NRXN1: variants seen among roughly 807,000 people sequenced by gnomAD.
NRXN1 encodes the protein neurexin-1.
In NRXN1, 39 loss-of-function variants were observed where a neutral mutation model predicts 150.9. The ratio of observed to expected loss-of-function variants is 0.26; its 90% CI spans 0.20 to 0.34. The LOEUF is 0.34. NRXN1 is among the 10% of genes least tolerant of loss of function. The pLI, the probability that NRXN1 is intolerant of heterozygous loss-of-function variation, is 1.00. For synonymous variants in NRXN1, 924 were observed against 757.0 expected, an observed-to-expected ratio of 1.22 and a Z score of -3.62; for missense variants, 1,815 against 1,949.9, an observed-to-expected ratio of 0.93 and a Z score of 1.30.
chr2:50,717,443 A>G (rs1696012033), intron 5 of NRXN1, among the ~76,000 whole-genome samples: 1 of 152,158 alleles, frequency 6.6e-6, no homozygotes, highest in Non-Finnish European at 1.5e-5. Context: ...TGTAATGGCC[A>G]TAATGTAGCT....
chr2:50,974,679 GT>G (rs973960504), intron 2 of NRXN1, among the ~76,000 whole-genome samples: 3 of 151,422 alleles, frequency 2.0e-5, no homozygotes, highest in Non-Finnish European at 2.9e-5. Context: ...ATCCCTATCT[GT>G]TTTTTTTCCC....
chr2:49,919,765 TAAA>T lies in NRXN1; in HGVS notation c.*2176_*2178del, dbSNP rs1667885908. 1 of 152,214 alleles carries T rather than the reference TAAA, an allele frequency of 6.6e-6. No individual in the cohort carries two copies. The highest frequency in any genetic ancestry group is 1.5e-5 in the Non-Finnish European group (1 of 67,956). The allele number at this position is 152,214 out of a possible 1,614,324, so 9.4% of individuals were successfully genotyped here. A position where few individuals can be genotyped will look rare whatever the true frequency, so the allele number is the denominator to read the frequency against. ...TTTATACCTTCTACTTTCTGGGTCA[TAAA>T]AAGCCACTAAATTTCTTTGTACACA... is the stretch of plus-strand genomic sequence containing the variant. On this transcript the variant is annotated 3_prime_UTR_variant, in exon 23 of 23. Transcript: ENST00000401669.
intron 5 of NRXN1, among the ~76,000 whole-genome samples, chr2:50,768,116 C>A (rs553712435): frequency 2.0e-5 from 3 of 152,176 alleles, no homozygotes; most frequent in African/African-American, 7.2e-5. Flanking sequence ...AATGTGCAAC[C>A]AACCCCTTTT....
chr2:50,944,481 G>A (rs1347439930), intron 2 of NRXN1, among the ~76,000 whole-genome samples: 1 of 152,100 alleles, frequency 6.6e-6, no homozygotes, highest in African/African-American at 2.4e-5. Context: ...GTAACACATA[G>A]CTAATGAATA....
chr2:50,935,015 A>C (rs1574975538), intron 2 of NRXN1, among the ~76,000 whole-genome samples: 1 of 152,174 alleles, frequency 6.6e-6, no homozygotes, highest in African/African-American at 2.4e-5. Context: ...CTTACTCTTA[A>C]GCCCCTCATT....
intron 2 of NRXN1, among the ~76,000 whole-genome samples, chr2:50,964,467 T>C (rs1159534656): frequency 6.6e-6 from 1 of 151,528 alleles, no homozygotes; most frequent in Non-Finnish European, 1.5e-5. Context: ...ATGTAACTTT[T>C]TCATTTAAAA....
intron 18 of NRXN1, among the ~76,000 whole-genome samples, chr2:50,096,861 G>A (rs976148687): frequency 6.6e-6 from 1 of 152,172 alleles, no homozygotes; most frequent in Non-Finnish European, 1.5e-5. Flanking sequence ...TTAATGCACT[G>A]TCTAATTCCA....
In NRXN1 at chr2:50,354,088, T is replaced by C. The variant is rs115280842; in HGVS notation, c.3364+111354A>G. 4.7e-3 allele frequency among the ~76,000 whole-genome samples: 713 copies of C among 152,270 alleles called. 7 individuals are homozygous for C. The highest frequency in any genetic ancestry group is 0.016 in the African/African-American group (669 of 41,572). On this transcript the variant is annotated intron_variant, in intron 17 of 22. Coordinates refer to ENST00000401669, the MANE Select transcript of NRXN1 (RefSeq NM_001330078.2). ...TCACCTCCCGTTAGTTGATCCAATA[T>C]AACTACAGGCAGATCAGTGTTCCCT...
At chr2:50,614,857 A>G (rs1678812684) in intron 8 of NRXN1, among the ~76,000 whole-genome samples, 1 of 151,954 alleles carries the variant, frequency 6.6e-6, no homozygotes, top group South Asian at 2.1e-4. Context: ...AAAAGAAGAA[A>G]GATAGGGATT....
chr2:50,660,093 A>G (rs1245502214), intron 5 of NRXN1, among the ~76,000 whole-genome samples: 2 of 152,008 alleles, frequency 1.3e-5, no homozygotes, highest in Non-Finnish European at 2.9e-5. Context: ...ACTGCACTTT[A>G]CCCACTGGGG....
intron 2 of NRXN1, among the ~76,000 whole-genome samples, chr2:50,969,442 C>G (rs1694658172): frequency 6.6e-6 from 1 of 151,996 alleles, no homozygotes; most frequent in African/African-American, 2.4e-5. Flanking sequence ...ATTATAAACT[C>G]TCTTGATGAA....
chr2:50,241,687 C>T (rs965743892), intron 17 of NRXN1, among the ~76,000 whole-genome samples: 1 of 151,746 alleles, frequency 6.6e-6, no homozygotes, highest in Non-Finnish European at 1.5e-5. Context: ...TATACATGGG[C>T]TCCCGTATCT....
At chr2:50,513,977 T>C (rs1477968310) in intron 12 of NRXN1, among the ~76,000 whole-genome samples, 1 of 152,196 alleles carries the variant, frequency 6.6e-6, no homozygotes, top group African/African-American at 2.4e-5. Context: ...ATGAACTATC[T>C]TTATGGTGTA....
intron 8 of NRXN1, among the ~76,000 whole-genome samples, chr2:50,614,444 G>A (rs1008545436): frequency 4.0e-5 from 6 of 151,780 alleles, no homozygotes; most frequent in African/African-American, 1.2e-4. Flanking sequence ...ACGTGTAAAT[G>A]ACAGATACTC....
intron 18 of NRXN1, among the ~76,000 whole-genome samples, chr2:50,138,667 TTTAA>T (rs749607655): frequency 4.6e-5 from 7 of 152,190 alleles, no homozygotes; most frequent in Admixed American, 6.5e-5. Flanking sequence ...CTCAATTAGT[TTTAA>T]TTAATTGTTT....
Position 50,922,733 on chromosome 2 carries a change from G to C in NRXN1, c.791-46C>G. On this transcript the variant is annotated intron_variant, in intron 3 of 22. Transcript: ENST00000401669. The stretch of plus-strand genomic sequence containing the variant: ...CAGTCAGCAATAAACAAGGGAGCAT[G>C]GGAAGGCAGGGTTGTCACGGTGACA... The C allele has an allele frequency of 2.5e-6, 4 of 1,595,244 alleles. No homozygotes were observed. The Middle Eastern group carries it at 5.0e-4, about 199-fold the overall frequency.
chr2:49,996,609 G>A (rs1423212960), intron 21 of NRXN1, among the ~76,000 whole-genome samples: 1 of 152,152 alleles, frequency 6.6e-6, no homozygotes, highest in Admixed American at 6.5e-5. Context: ...TAAGGCAAAA[G>A]AATCAGAGTC....
intron 2 of NRXN1, among the ~76,000 whole-genome samples, chr2:50,971,769 G>A (rs1468370729): frequency 6.6e-6 from 1 of 151,772 alleles, no homozygotes; most frequent in African/African-American, 2.4e-5. Flanking sequence ...ACATTACACA[G>A]TCAGTGTTTA....
intron 2 of NRXN1, among the ~76,000 whole-genome samples, chr2:50,928,381 C>T (rs1490338706): frequency 6.6e-6 from 1 of 151,936 alleles, no homozygotes; most frequent in Non-Finnish European, 1.5e-5. Flanking sequence ...CTCTTCCATT[C>T]TATTCTATTC....
Sources: allele counts gnomAD v4.1 joint callset (sites outside exome capture counted in the v4.1 genomes callset), GRCh38; gene constraint gnomAD v4.1.1; transcripts MANE v1.5; gene names NCBI Gene and HGNC (gene_info 2026-07-23, HGNC 2026-07-21).